The following OXR1 variants were observed in gnomAD, a reference collection of about 807,000 sequenced individuals.
OXR1 encodes the protein oxidation resistance protein 1.
In OXR1, 41 loss-of-function variants were observed where a neutral mutation model predicts 104.6. That is an observed-to-expected ratio of 0.39 (90% CI 0.31 to 0.51). The LOEUF (loss-of-function observed/expected upper bound fraction) is 0.51. Among genes scored for constraint, OXR1 ranks in the 20% least tolerant of loss-of-function variants. OXR1 has a pLI of 0.77. For synonymous variants in OXR1, 348 were observed against 348.4 expected (o/e 1.00, Z 0.01); for missense variants, 955 against 1,031.9 (o/e 0.93, Z 1.02).
chr8:106,491,092 G>A (rs939613563), intron 2 of OXR1, among the ~76,000 whole-genome samples: 2 of 152,042 alleles, frequency 1.3e-5, no homozygotes, highest in African/African-American at 2.4e-5. Context: ...CTTCCTCGAC[G>A]CTCCGCTCAA....
intron 3 of OXR1, among the ~76,000 whole-genome samples, chr8:106,602,730 T>C (rs892090857): frequency 6.6e-6 from 1 of 152,202 alleles, no homozygotes; most frequent in Admixed American, 6.5e-5. Flanking sequence ...TATGTGTTTA[T>C]TTTATAAAAA....
At chr8:106,392,982 C>T (rs1276401833) in intron 2 of OXR1, among the ~76,000 whole-genome samples, 2 of 152,130 alleles carry the variant, frequency 1.3e-5, no homozygotes. Context: ...CCATATTGCT[C>T]CCCACACGGG....
At chr8:106,435,064 A>G (rs940914254) in intron 2 of OXR1, among the ~76,000 whole-genome samples, 1 of 152,148 alleles carries the variant, frequency 6.6e-6, no homozygotes, top group African/African-American at 2.4e-5. Context: ...AGGAAGTAAC[A>G]GTCAAGATAA....
chr8:106,721,695 A>G (rs1198480927), intron 11 of OXR1, among the ~76,000 whole-genome samples: 1 of 152,232 alleles, frequency 6.6e-6, no homozygotes, highest in Non-Finnish European at 1.5e-5. Context: ...TACTTACTAT[A>G]TAAACCTCTA....
intron 1 of OXR1, among the ~76,000 whole-genome samples, chr8:106,359,149 A>C (rs540928275): frequency 1.1e-4 from 16 of 149,944 alleles, no homozygotes; most frequent in African/African-American, 4.0e-4. Context: ...TATCACAGGT[A>C]TATAAAACTG....
intron 4 of OXR1, among the ~76,000 whole-genome samples, chr8:106,680,325 A>T (rs1828024055): frequency 6.6e-6 from 1 of 152,148 alleles, no homozygotes; most frequent in African/African-American, 2.4e-5. Context: ...GGTAACCTTT[A>T]AAATTTCTTC....
intron 7 of OXR1, among the ~76,000 whole-genome samples, chr8:106,694,494 A>G (rs1299861971): frequency 7.4e-6 from 1 of 134,342 alleles, no homozygotes; most frequent in Non-Finnish European, 1.6e-5. Flanking sequence ...TTTGATATAT[A>G]AATATGTTTT....
intron 2 of OXR1, among the ~76,000 whole-genome samples, chr8:106,415,079 C>G (rs1054464992): frequency 6.6e-6 from 1 of 152,048 alleles, no homozygotes; most frequent in African/African-American, 2.4e-5. Context: ...GCAATGTAAA[C>G]AAGTATGTGA....
intron 6 of OXR1, among the ~76,000 whole-genome samples, chr8:106,687,020 C>G (rs1004707833): frequency 6.6e-6 from 1 of 152,152 alleles, no homozygotes; most frequent in South Asian, 2.1e-4. Context: ...GAGGTAGGCA[C>G]TTGGCCTGGG....
chr8:106,538,684 T>C (rs963196829), intron 3 of OXR1, among the ~76,000 whole-genome samples: 2 of 152,240 alleles, frequency 1.3e-5, no homozygotes, highest in Non-Finnish European at 2.9e-5. Context: ...GGATCTTTTC[T>C]CAACATGTAT....
In OXR1 at chr8:106,596,050, C is replaced by T. The variant is rs138640167; in HGVS notation, c.220+76911C>T. Among the ~76,000 whole-genome samples, 31 of 152,156 alleles carry T rather than the reference C, an allele frequency of 2.0e-4. No individual in the cohort carries two copies. The East Asian group carries it at 3.7e-3, about 18-fold the overall frequency. On this transcript the variant is annotated intron_variant, in intron 3 of 16. Transcript: ENST00000517566. ...AAATTTTAGCAAAACTTTCTACTGA[C>T]GCTTCTTTTCTTTTATTCATTCCGT...
chr8:106,601,511 G>A (rs1438362397), intron 3 of OXR1, among the ~76,000 whole-genome samples: 1 of 152,140 alleles, frequency 6.6e-6, no homozygotes, highest in East Asian at 1.9e-4. Context: ...ATACTAGAAG[G>A]ACACTAATTC....
chr8:106,729,175 G>A (rs1203364767), intron 11 of OXR1, among the ~76,000 whole-genome samples: 1 of 152,014 alleles, frequency 6.6e-6, no homozygotes, highest in African/African-American at 2.4e-5. Context: ...CAACCCTGTG[G>A]AATATTACTT....
chr8:106,349,282 C>T (rs1332146546), intron 1 of OXR1, among the ~76,000 whole-genome samples: 1 of 151,970 alleles, frequency 6.6e-6, no homozygotes, highest in East Asian at 1.9e-4. Flanking sequence ...CCATTAAACA[C>T]TGAAGATTTT....
intron 3 of OXR1, among the ~76,000 whole-genome samples, chr8:106,655,449 GAAT>G (rs1329101389): frequency 1.3e-5 from 2 of 151,854 alleles, no homozygotes; most frequent in African/African-American, 4.8e-5. Flanking sequence ...GAACAGAGAG[GAAT>G]AATAAAGCTG....
chr8:106,681,925 A>C (rs148960499), intron 4 of OXR1, among the ~76,000 whole-genome samples: 1 of 152,314 alleles, frequency 6.6e-6, no homozygotes, highest in African/African-American at 2.4e-5. Context: ...TAGGAGGAAG[A>C]GGACAGTATC....
chr8:106,555,386 T>C (rs1816188976), intron 3 of OXR1, among the ~76,000 whole-genome samples: 1 of 152,136 alleles, frequency 6.6e-6, no homozygotes, highest in African/African-American at 2.4e-5. Context: ...GAGGATAGTA[T>C]TTTAACATTC....
intron 3 of OXR1, among the ~76,000 whole-genome samples, chr8:106,595,614 G>T (rs147620913): frequency 6.6e-6 from 1 of 151,742 alleles, no homozygotes; most frequent in East Asian, 1.9e-4. Context: ...TGTAACTCAT[G>T]GGGGGAAAAT....
chr8:106,571,743 T>A (rs1817483826), intron 3 of OXR1, among the ~76,000 whole-genome samples: 1 of 152,156 alleles, frequency 6.6e-6, no homozygotes. Flanking sequence ...AAAATTGCTT[T>A]CCAGCTATAA....
Sources: gnomAD v4.1 joint callset for allele counts (sites outside exome capture counted in the v4.1 genomes callset) on GRCh38, gnomAD v4.1.1 for gene constraint, MANE v1.5 for transcripts, NCBI Gene and HGNC (gene_info 2026-07-23, HGNC 2026-07-21) for gene names.